Variants in IFT57 observed in about 807,000 individuals in gnomAD.
IFT57 encodes the protein intraflagellar transport 57, also known as intraflagellar transport protein 57 homolog.
In IFT57, 59 loss-of-function variants were observed where a neutral mutation model predicts 56.8. The observed-to-expected ratio is 1.04, with a 90% CI of 0.84 to 1.29. The LOEUF is 1.29. Among genes scored for constraint, IFT57 ranks in the 50% most tolerant of loss-of-function variants. IFT57 has a pLI of 0.00. For missense variants in IFT57, 470 were observed against 522.1 expected (o/e 0.90, Z 0.97); for synonymous variants, 209 against 186.1 (o/e 1.12, Z -1.00).
At chr3:108,169,356 G>A (rs972579117) in intron 6 of IFT57, among the ~76,000 whole-genome samples, 3 of 150,610 alleles carry the variant, frequency 2.0e-5, no homozygotes, top group Non-Finnish European at 3.0e-5. Context: ...CTTGTAATTT[G>A]TCTAAGTTCC....
chr3:108,218,231 CAA>C (rs1483443132), intron 3 of IFT57, among the ~76,000 whole-genome samples: 3 of 150,128 alleles, frequency 2.0e-5, no homozygotes, highest in Non-Finnish European at 4.5e-5. Flanking sequence ...AACATATGTA[CAA>C]GAGACTTTAA....
chr3:108,205,050 C>A (rs1378083496), intron 5 of IFT57, among the ~76,000 whole-genome samples: 3 of 151,656 alleles, frequency 2.0e-5, no homozygotes, highest in Admixed American at 1.3e-4. Flanking sequence ...ATAAAAAATA[C>A]CTTCATTCAT....
At chr3:108,191,170 A>C (rs761530616) in intron 6 of IFT57, among the ~76,000 whole-genome samples, 1 of 152,216 alleles carries the variant, frequency 6.6e-6, no homozygotes, top group Non-Finnish European at 1.5e-5. Context: ...GCCATGCAGC[A>C]GAGCTCTAAA....
chr3:108,213,193 TA>T (rs1354701705), intron 4 of IFT57, among the ~76,000 whole-genome samples: 2 of 152,200 alleles, frequency 1.3e-5, no homozygotes, highest in Admixed American at 1.3e-4. Context: ...AGGCTATTAG[TA>T]AAGTTTTTGG....
At chr3:108,162,743 T>G in intron 10 of IFT57, 88 bp from the exon 11 acceptor site, 5 of 1,095,780 alleles carry the variant, frequency 4.6e-6, no homozygotes, top group Non-Finnish European at 6.1e-6. Context: ...TCACTTTGTC[T>G]TAAGCCCAAA....
chr3:108,205,135 A>C (rs2080302347), intron 5 of IFT57, among the ~76,000 whole-genome samples: 1 of 152,124 alleles, frequency 6.6e-6, no homozygotes. Flanking sequence ...CTCCGTTATC[A>C]AGGAGCTTAC....
At chr3:108,165,730 G>C (rs1342082877) in intron 8 of IFT57, among the ~76,000 whole-genome samples, 1 of 152,044 alleles carries the variant, frequency 6.6e-6, no homozygotes, top group Non-Finnish European at 1.5e-5. Flanking sequence ...CAAACTGACT[G>C]TGTACCTCGC....
intron 6 of IFT57, among the ~76,000 whole-genome samples, chr3:108,190,736 T>A (rs1309586264): frequency 1.3e-5 from 2 of 152,186 alleles, no homozygotes; most frequent in Non-Finnish European, 2.9e-5. Context: ...AATGGGCAAG[T>A]TAATCTGGTC....
chr3:108,218,497 C>A (rs763133185), intron 3 of IFT57, 38 bp downstream of exon 3: 26 of 888,650 alleles, frequency 2.9e-5, no homozygotes, highest in Non-Finnish European at 4.2e-5. Context: ...AAATGCTATG[C>A]CCATAAAATT....
chr3:108,168,241 T>C (rs1173128110), intron 6 of IFT57, among the ~76,000 whole-genome samples: 1 of 151,968 alleles, frequency 6.6e-6, no homozygotes, highest in Admixed American at 6.6e-5. Context: ...TCAAATATCA[T>C]ATATCAAAGA....
chr3:108,199,140 A>C (rs1000673595), intron 5 of IFT57, among the ~76,000 whole-genome samples: 2 of 152,218 alleles, frequency 1.3e-5, no homozygotes, highest in Non-Finnish European at 2.9e-5. Context: ...GAGATTTGGG[A>C]AACTTTTCAC....
chr3:108,199,089 T>C (rs2080262436), intron 5 of IFT57, among the ~76,000 whole-genome samples: 1 of 152,192 alleles, frequency 6.6e-6, no homozygotes, highest in Non-Finnish European at 1.5e-5. Context: ...AACTTTGGGC[T>C]AATTATGAAT....
At chr3:108,188,767 T>A (rs2080198667) in intron 6 of IFT57, among the ~76,000 whole-genome samples, 1 of 152,216 alleles carries the variant, frequency 6.6e-6, no homozygotes, top group Non-Finnish European at 1.5e-5. Flanking sequence ...TACTGGTCTG[T>A]TATAGAATTT....
At chr3:108,168,844 A>G (rs1043665160) in intron 6 of IFT57, among the ~76,000 whole-genome samples, 9 of 152,070 alleles carry the variant, frequency 5.9e-5, no homozygotes, top group Non-Finnish European at 1.3e-4. Context: ...TTATGGCTGC[A>G]TGGTATTCCA....
At chr3:108,186,664 A>T (rs1366059294) in intron 6 of IFT57, among the ~76,000 whole-genome samples, 1 of 152,164 alleles carries the variant, frequency 6.6e-6, no homozygotes, top group Non-Finnish European at 1.5e-5. Flanking sequence ...AAAGCCAGAA[A>T]TTAGAATGCA....
intron 6 of IFT57, among the ~76,000 whole-genome samples, chr3:108,181,991 G>A (rs1478831126): frequency 6.6e-6 from 1 of 151,902 alleles, no homozygotes; most frequent in East Asian, 1.9e-4. Flanking sequence ...TTTTAATAAC[G>A]ATTATATACA....
At chr3:108,199,185 T>A (rs1008863004) in intron 5 of IFT57, among the ~76,000 whole-genome samples, 7 of 152,110 alleles carry the variant, frequency 4.6e-5, no homozygotes, top group African/African-American at 1.4e-4. Flanking sequence ...TTTCATTTTT[T>A]AAAAAAACCC....
At chr3:108,209,435 TA>T (rs149642087) in intron 4 of IFT57, among the ~76,000 whole-genome samples, 1,929 of 152,258 alleles carry the variant, frequency 0.013, 27 homozygotes, top group Non-Finnish European at 0.019. Context: ...ATTTGAAGAT[TA>T]TGGTTTAAGA....
Position 108,218,562 on chromosome 3 carries a change from A to G in IFT57, c.467T>C (p.Leu156Ser). ...YVLDCFAEEA[L>S]KYIGFTWKRP... Reference sequence around the variant, plus strand: ...TTTCCAGGTGAAACCAATATATTTCAATGCTTCTTCAGCGAAGCAATCAAG... The same window carrying G: ...TTTCCAGGTGAAACCAATATATTTCGATGCTTCTTCAGCGAAGCAATCAAG... The change falls in exon 3 of 11, where the codon TTG becomes TCG. Residue 156 changes from leucine to serine, a missense_variant. Transcript: ENST00000264538. The G allele has an allele frequency of 6.4e-7, 1 of 1,554,250 alleles. No homozygotes were observed. The highest frequency in any genetic ancestry group is 8.7e-7 in the Non-Finnish European group (1 of 1,152,398).
Sources: allele counts gnomAD v4.1 joint callset (sites outside exome capture counted in the v4.1 genomes callset), GRCh38; gene constraint gnomAD v4.1.1; transcripts MANE v1.5; gene names NCBI Gene and HGNC (gene_info 2026-07-23, HGNC 2026-07-21).